The following TRAPPC6A variants were observed in gnomAD, a reference collection of about 807,000 sequenced individuals.
TRAPPC6A encodes TRAPP complex subunit 6A.
Under a neutral mutation model 20.8 loss-of-function variants are expected in TRAPPC6A, and 25 were observed. The observed-to-expected ratio is 1.20, with a 90% confidence interval of 0.88 to 1.68. TRAPPC6A has a LOEUF of 1.68. TRAPPC6A is among the 40% of genes most tolerant of loss of function. TRAPPC6A has a pLI of 0.00. For synonymous variants in TRAPPC6A, 96 were observed against 93.3 expected, an observed-to-expected ratio of 1.03 and a Z score of -0.16; for missense variants, 215 against 211.6, an observed-to-expected ratio of 1.02 and a Z score of -0.10.
chr19:45,172,722 G>A lies in TRAPPC6A; in HGVS notation c.84+5413C>T, dbSNP rs930869420. On this transcript the variant is annotated intron_variant, in intron 1 of 5. Transcript: ENST00000585934. This position sits in a 1 kb window ranked among gnomAD's most constrained non-coding sequence, Gnocchi z 4.2. ...CCCATCCTGTCCCCTGGCCCAGCCC[G>A]GAAGGTTGAGCCCACCACAGCCTCT... 6.6e-6 allele frequency among the ~76,000 whole-genome samples: 1 copy of A among 151,736 alleles called. No individual in the cohort carries two copies. The highest frequency in any genetic ancestry group is 1.9e-4 in the East Asian group (1 of 5,198).
At position 45,164,922 on chromosome 19, in the gene TRAPPC6A, C is replaced by G; in HGVS notation, c.201G>C (p.Lys67Asn). Residue 67 changes from lysine (K) to asparagine (N), a missense_variant, in exon 3 of 6, where the codon AAG becomes AAC. Transcript: ENST00000585934. ...CCACCCACAGGTCTTTGCACAAGAA[C>G]TTGAGGACATCCAGCTCCTCCCTGA... is the stretch of plus-strand genomic sequence containing the variant. ...LAFREELDVLKFLCKDLWVAV... is the reference protein window; with the variant it reads ...LAFREELDVLNFLCKDLWVAV... The G allele has an allele frequency of 6.2e-7, 1 of 1,614,166 alleles. No homozygotes were observed. Among genetic ancestry groups the G allele is most frequent in the Non-Finnish European group, 8.5e-7 (1 of 1,180,002 alleles).
In TRAPPC6A at chr19:45,164,669, C is replaced by T; in HGVS notation, c.270+184G>A. The T allele has an allele frequency of 9.6e-6, 6 of 627,222 alleles. 1 individual carries two copies. The highest frequency in any genetic ancestry group is 9.2e-5 in the South Asian group (5 of 54,136). The allele number at this position is 627,222 out of a possible 1,614,324, so 38.9% of individuals were successfully genotyped here. A position where few individuals can be genotyped will look rare whatever the true frequency, so the allele number is the denominator to read the frequency against. On this transcript the variant is annotated intron_variant, in intron 3 of 5. Coordinates refer to ENST00000585934, the MANE Select transcript of TRAPPC6A (RefSeq NM_001270891.2). ...GCTGGAGAAGTTCCGGAAACACCCC[C>T]TATGCCCCAGCGCAGCCTCCTGGCT...
chr19:45,176,133 T>C (rs928234427), intron 1 of TRAPPC6A, among the ~76,000 whole-genome samples: 1 of 151,758 alleles, frequency 6.6e-6, no homozygotes, highest in African/African-American at 2.4e-5. Context: ...CTTGGTAGTA[T>C]AGGCATGTGT....
intron 1 of TRAPPC6A, among the ~76,000 whole-genome samples, chr19:45,168,167 T>C (rs1969198723): frequency 6.6e-6 from 1 of 152,016 alleles, no homozygotes; most frequent in Admixed American, 6.6e-5. Context: ...CACGCCCAGC[T>C]AATTTTTTTG....
chr19:45,164,848 C>T lies in TRAPPC6A; in HGVS notation c.270+5G>A. 2 of 1,613,306 alleles carry T rather than the reference C, an allele frequency of 1.2e-6. No individual in the cohort carries two copies. The highest frequency in any genetic ancestry group is 1.7e-6 in the Non-Finnish European group (2 of 1,179,318). The stretch of plus-strand genomic sequence containing the variant: ...AGCTGGACGGGCAGGCCGGGGTGCT[C>T]CCACCTGGTGATTGGTGCGCAGGCT... On this transcript the variant is annotated splice_donor_5th_base_variant and intron_variant, in intron 3 of 5. Coordinates refer to ENST00000585934, the MANE Select transcript of TRAPPC6A (RefSeq NM_001270891.2).
In TRAPPC6A at chr19:45,178,149, C is replaced by G. The variant is rs377546640; in HGVS notation, c.70G>C (p.Asp24His). 1.2e-6 allele frequency: 2 copies of G among 1,613,136 alleles called. No homozygotes were observed. The highest frequency in any genetic ancestry group is 2.7e-5 in the African/African-American group (2 of 74,922). ...CCGGCGCTCACCCCCGGGCCGGGGTCGGGGTCGTGAGCCCACAGCTCAGCC... is the reference window on the plus strand; with the variant it reads ...CCGGCGCTCACCCCCGGGCCGGGGTGGGGGTCGTGAGCCCACAGCTCAGCC... Reference protein sequence around the residue: ...MVAELWAHDPDPGPGGQKMSL... With the variant: ...MVAELWAHDPHPGPGGQKMSL... The change falls in exon 1 of 6, where the codon GAC (aspartate) becomes CAC (histidine). Residue 24 changes from aspartate to histidine, a missense_variant. By Grantham distance (81) the Asp-to-His change is moderately conservative (BLOSUM62 -1). Coordinates refer to ENST00000585934, the MANE Select transcript of TRAPPC6A (RefSeq NM_001270891.2).
At chr19:45,176,899 T>C (rs1599742334) in intron 1 of TRAPPC6A, among the ~76,000 whole-genome samples, 1 of 150,686 alleles carries the variant, frequency 6.6e-6, no homozygotes, top group Admixed American at 6.6e-5. Context: ...CCGGGTGCAG[T>C]GGCTCACGCC....
chr19:45,176,256 A>G (rs1223003373), intron 1 of TRAPPC6A, among the ~76,000 whole-genome samples: 1 of 151,702 alleles, frequency 6.6e-6, no homozygotes, highest in African/African-American at 2.4e-5. Context: ...GATCAAAACC[A>G]TCCTGGCTAA....
intron 1 of TRAPPC6A, among the ~76,000 whole-genome samples, chr19:45,168,177 G>GT (rs1257326252): frequency 6.6e-6 from 1 of 151,708 alleles, no homozygotes; most frequent in Non-Finnish European, 1.5e-5. Flanking sequence ...TAATTTTTTT[G>GT]TATTTTTAGC....
intron 3 of TRAPPC6A, 190 bp downstream of exon 3, chr19:45,164,663 C>T (rs1969104339): frequency 3.2e-6 from 2 of 615,432 alleles, no homozygotes; most frequent in South Asian, 1.9e-5. Flanking sequence ...GTTCCGGAAA[C>T]ACCCCCTATG....
intron 1 of TRAPPC6A, among the ~76,000 whole-genome samples, chr19:45,170,636 G>A (rs1392152493): frequency 1.3e-5 from 2 of 152,340 alleles, no homozygotes; most frequent in East Asian, 1.9e-4. Context: ...CCACTCACTG[G>A]CTCTGTGACC....
rs554323500 is a variant in TRAPPC6A, at chr19:45,162,965, T to C, written c.*227A>G. 4.9e-5 allele frequency: 21 copies of C among 430,700 alleles called. No individual in the cohort carries two copies. The Admixed American group carries it at 6.9e-4, about 14-fold the overall frequency. The allele number at this position is 430,700 out of a possible 1,614,324, so 26.7% of individuals were successfully genotyped here. ...CACACAGCCTTTATTGAGCAGCTAC[T>C]GGGCAGTGACGCTGCCGAGGCGGGA... On this transcript the variant is annotated 3_prime_UTR_variant, in exon 6 of 6. Transcript: ENST00000585934.
chr19:45,164,310 T>C, intron 3 of TRAPPC6A, 63 bp from the exon 4 acceptor site: 43 of 1,008,196 alleles, frequency 4.3e-5, no homozygotes, highest in Non-Finnish European at 5.9e-5. Context: ...GCAGGGAGGG[T>C]AAGCAGGAAC....
At chr19:45,170,707 G>C (rs1477931715) in intron 1 of TRAPPC6A, among the ~76,000 whole-genome samples, 1 of 152,210 alleles carries the variant, frequency 6.6e-6, no homozygotes. Context: ...TGGGGCTAAT[G>C]GCAGTACCTG....
intron 1 of TRAPPC6A, among the ~76,000 whole-genome samples, chr19:45,166,514 T>C (rs1196877933): frequency 6.8e-6 from 1 of 146,776 alleles, no homozygotes; most frequent in Non-Finnish European, 1.5e-5. Flanking sequence ...TGGCCATGGA[T>C]CTTTTTTTTT....
At chr19:45,168,768 C>G (rs538749473) in intron 1 of TRAPPC6A, among the ~76,000 whole-genome samples, 3 of 152,334 alleles carry the variant, frequency 2.0e-5, no homozygotes, top group Non-Finnish European at 4.4e-5. Flanking sequence ...TTAAGAAGAA[C>G]CCATCCAAGG....
chr19:45,168,375 G>A (rs1161608240), intron 1 of TRAPPC6A, among the ~76,000 whole-genome samples: 1 of 152,172 alleles, frequency 6.6e-6, no homozygotes, highest in East Asian at 1.9e-4. Context: ...CCAGCTCAGG[G>A]TCCTGGGTGG....
chr19:45,171,462 G>C lies in TRAPPC6A; in HGVS notation c.85-6268C>G, dbSNP rs80222272. On this transcript the variant is annotated intron_variant, in intron 1 of 5. Coordinates refer to ENST00000585934, the MANE Select transcript of TRAPPC6A (RefSeq NM_001270891.2). ...GAGTTTACACACAGACCGGATGAAA[G>C]GAAAGGTGGAAGGGAAGTCTTATCA... Among the ~76,000 whole-genome samples the C allele has an allele frequency of 2.0e-4, 31 of 152,292 alleles. No individual in the cohort carries two copies. In the East Asian group the frequency reaches 5.4e-3, roughly 27 times the overall value.
intron 1 of TRAPPC6A, among the ~76,000 whole-genome samples, chr19:45,168,358 G>A (rs1376410884): frequency 6.6e-6 from 1 of 152,150 alleles, no homozygotes; most frequent in East Asian, 1.9e-4. Flanking sequence ...ACATTTACTC[G>A]CTTCCTCCAG....
Sources: gnomAD v4.1 joint callset for allele counts (sites outside exome capture counted in the v4.1 genomes callset) on GRCh38, gnomAD v4.1.1 for gene constraint, Gnocchi (gnomAD v3.1) non-coding constraint, MANE v1.5 for transcripts, NCBI Gene and HGNC (gene_info 2026-07-23, HGNC 2026-07-21) for gene names.